The following BCAS3 variants were observed in gnomAD, a reference collection of about 807,000 sequenced individuals.
The protein encoded by BCAS3 is BCAS4/BCAS3 fusion.
Under a neutral mutation model 116.1 loss-of-function variants are expected in BCAS3, and 53 were observed. The ratio of observed to expected loss-of-function variants is 0.46; its 90% confidence interval spans 0.37 to 0.57. The LOEUF (loss-of-function observed/expected upper bound fraction) is 0.57, where lower values mean the gene tolerates loss of function less well. Among genes scored for constraint, BCAS3 ranks in the 20% least tolerant of loss-of-function variants. The pLI is 0.00. For synonymous variants in BCAS3, 391 were observed against 408.2 expected (o/e 0.96, Z 0.51); for missense variants, 917 against 1,165.4 (o/e 0.79, Z 3.10).
rs1332898863 is a variant in BCAS3 at position 61,144,118 on chromosome 17, T to TA, written c.2425+59555dup. Among the ~76,000 whole-genome samples the TA allele has an allele frequency of 3.3e-5, 5 of 152,242 alleles. No individual in the cohort carries two copies. Among genetic ancestry groups the TA allele is most frequent in the Non-Finnish European group, 7.3e-5 (5 of 68,032 alleles). On this transcript the variant is annotated intron_variant, in intron 22 of 23. Transcript: ENST00000407086. The surrounding 1 kb of genome is among the most constrained non-coding windows in gnomAD (Gnocchi z 5.0). ...CATAGGAGGACAGTTGACTCCTTTC[T>TA]ACTCTTTTTTTTGCCGTTGTCCCTA...
chr17:60,698,284 A>C (rs572014890), intron 4 of BCAS3, among the ~76,000 whole-genome samples: 129 of 152,164 alleles, frequency 8.5e-4, no homozygotes, highest in African/African-American at 2.9e-3. Flanking sequence ...AAAAGGATTT[A>C]CTTAAATGTA....
At chr17:61,340,835 G>T (rs558838771) in intron 22 of BCAS3, among the ~76,000 whole-genome samples, 1 of 152,298 alleles carries the variant, frequency 6.6e-6, no homozygotes, top group South Asian at 2.1e-4. Flanking sequence ...GAGGCTGAAG[G>T]CTGCTTGGAA....
intron 22 of BCAS3, among the ~76,000 whole-genome samples, chr17:61,146,501 C>T (rs1021217185): frequency 4.6e-5 from 7 of 152,104 alleles, no homozygotes; most frequent in Admixed American, 1.3e-4. Context: ...AATGACTGAG[C>T]TCTTAGGAGT....
chr17:61,307,736 G>A lies in BCAS3; in HGVS notation c.2426-60591G>A, dbSNP rs1327096071. On this transcript the variant is annotated intron_variant, in intron 22 of 23. Coordinates refer to ENST00000407086, the MANE Select transcript of BCAS3 (RefSeq NM_017679.5). This position sits in a 1 kb window ranked among gnomAD's most constrained non-coding sequence, Gnocchi z 4.7. ...AGAAAGGGTTACATTCCTGAGTAGGGTCTTAATGGCCAGTTCAAGAAATAA... is the reference window on the plus strand; with the variant it reads ...AGAAAGGGTTACATTCCTGAGTAGGATCTTAATGGCCAGTTCAAGAAATAA... Among the ~76,000 whole-genome samples the A allele has an allele frequency of 6.6e-6, 1 of 152,170 alleles. No individual in the cohort carries two copies. Among genetic ancestry groups the A allele is most frequent in the Non-Finnish European group, 1.5e-5 (1 of 68,036 alleles).
At chr17:60,924,313 G>T in intron 12 of BCAS3, 94 bp from the exon 13 acceptor site, 1 of 960,156 alleles carries the variant, frequency 1.0e-6, no homozygotes, top group Non-Finnish European at 1.7e-6. Context: ...CATGTTATTT[G>T]GTCAGTGGTT....
In BCAS3 at chr17:61,353,324, G is replaced by A. The variant is rs143030905; in HGVS notation, c.2426-15003G>A. Among the ~76,000 whole-genome samples, 12 of 152,298 alleles carry A rather than the reference G, an allele frequency of 7.9e-5. No individual in the cohort carries two copies. In the East Asian group the frequency reaches 1.9e-3, roughly 24 times the overall value. ...TGTGGGCAGTGATTCTGCAGCTTCCGTGCACACAGATCCCCTGGGGGTCTT... is the reference window on the plus strand; with the variant it reads ...TGTGGGCAGTGATTCTGCAGCTTCCATGCACACAGATCCCCTGGGGGTCTT... On this transcript the variant is annotated intron_variant, in intron 22 of 23. Coordinates refer to ENST00000407086, the MANE Select transcript of BCAS3 (RefSeq NM_017679.5).
At chr17:60,686,686 C>T (rs371011733) in intron 3 of BCAS3, among the ~76,000 whole-genome samples, 58 of 152,102 alleles carry the variant, frequency 3.8e-4, no homozygotes, top group African/African-American at 1.3e-3. Flanking sequence ...CCAACACGCC[C>T]GGCCAATTTT....
At chr17:61,085,718 T>C (rs1213322196) in intron 22 of BCAS3, among the ~76,000 whole-genome samples, 1 of 152,162 alleles carries the variant, frequency 6.6e-6, no homozygotes, top group Non-Finnish European at 1.5e-5. Flanking sequence ...GAAATGAGCA[T>C]GGAAATGTGT....
intron 19 of BCAS3, among the ~76,000 whole-genome samples, chr17:61,070,580 G>T (rs2143417305): frequency 6.6e-6 from 1 of 151,410 alleles, no homozygotes; most frequent in Non-Finnish European, 1.5e-5. Context: ...GAATGTATTA[G>T]TACAAACTAA....
chr17:60,848,507 T>C (rs1046100413), intron 7 of BCAS3, among the ~76,000 whole-genome samples: 1 of 152,240 alleles, frequency 6.6e-6, no homozygotes, highest in African/African-American at 2.4e-5. Flanking sequence ...GAATATATTA[T>C]CTGTGAATAG....
In BCAS3 at chr17:61,348,310, T is replaced by G. The variant is rs966987257; in HGVS notation, c.2426-20017T>G. ...GGAGAAGTTAGGTCATGAATTTGTT[T>G]GGGAGATGTTGAGTTGGAGGTGCCT... On this transcript the variant is annotated intron_variant, in intron 22 of 23. Coordinates refer to ENST00000407086, the MANE Select transcript of BCAS3 (RefSeq NM_017679.5). This position sits in a 1 kb window ranked among gnomAD's most constrained non-coding sequence, Gnocchi z 4.5. Among the ~76,000 whole-genome samples, 3 of 152,098 alleles carry G rather than the reference T, an allele frequency of 2.0e-5. No individual in the cohort carries two copies. The highest frequency in any genetic ancestry group is 1.5e-5 in the Non-Finnish European group (1 of 68,006).
In BCAS3 at chr17:61,270,429, C is replaced by T. The variant is rs546668480; in HGVS notation, c.2426-97898C>T. Among the ~76,000 whole-genome samples, 18 of 151,434 alleles carry T rather than the reference C, an allele frequency of 1.2e-4. No individual in the cohort carries two copies. In the South Asian group the frequency reaches 3.5e-3, roughly 30 times the overall value. ...TAAGCCACCATGCCTGGCCCTTTTG[C>T]CGATTTTTTTATCAGGTTGCTTTAT... On this transcript the variant is annotated intron_variant, in intron 22 of 23. Transcript: ENST00000407086.
chr17:60,682,427 A>G (rs1001394358), intron 2 of BCAS3, among the ~76,000 whole-genome samples: 7 of 152,248 alleles, frequency 4.6e-5, no homozygotes, highest in South Asian at 4.1e-4. Flanking sequence ...TCTCTAGGGC[A>G]TATTGCTTTT....
chr17:60,822,321 C>A (rs1204791236), intron 7 of BCAS3, among the ~76,000 whole-genome samples: 2 of 152,076 alleles, frequency 1.3e-5, no homozygotes, highest in Non-Finnish European at 2.9e-5. Flanking sequence ...GTCATTATGG[C>A]ATTAATTTGG....
At chr17:60,694,625 T>G (rs2035336232) in intron 4 of BCAS3, among the ~76,000 whole-genome samples, 1 of 151,290 alleles carries the variant, frequency 6.6e-6, no homozygotes, top group South Asian at 2.1e-4. Context: ...ATTTTAGGCG[T>G]GAGCCACCAT....
In BCAS3 at chr17:61,285,830, C is replaced by T. The variant is rs2051718459; in HGVS notation, c.2426-82497C>T. The stretch of plus-strand genomic sequence containing the variant: ...TGAGCCTCGAGTTTCTCATGTCTTC[C>T]CTCCCATCTCCAGTCCCTACTTTAG... On this transcript the variant is annotated intron_variant, in intron 22 of 23. Coordinates refer to ENST00000407086, the MANE Select transcript of BCAS3 (RefSeq NM_017679.5). The surrounding 1 kb of genome is among the most constrained non-coding windows in gnomAD (Gnocchi z 5.4). Among the ~76,000 whole-genome samples, 1 of 152,102 alleles carries T rather than the reference C, an allele frequency of 6.6e-6. No homozygotes were observed. The highest frequency in any genetic ancestry group is 1.5e-5 in the Non-Finnish European group (1 of 68,010).
intron 15 of BCAS3, among the ~76,000 whole-genome samples, chr17:61,005,949 C>T (rs1156346635): frequency 6.6e-6 from 1 of 151,938 alleles, no homozygotes; most frequent in Admixed American, 6.6e-5. Context: ...CCTCCCCCTT[C>T]CCCCCACTCC....
intron 6 of BCAS3, among the ~76,000 whole-genome samples, chr17:60,762,680 G>A (rs1163986819): frequency 2.6e-5 from 4 of 152,072 alleles, no homozygotes; most frequent in Non-Finnish European, 4.4e-5. Context: ...TTGGCAATGC[G>A]GGCTCTTTTT....
chr17:61,127,856 AT>A (rs1043119052), intron 22 of BCAS3, among the ~76,000 whole-genome samples: 11 of 151,770 alleles, frequency 7.2e-5, no homozygotes, highest in East Asian at 3.9e-4. Context: ...ATAAAAAAAA[AT>A]AATACATATA....
Sources: gnomAD v4.1 joint callset for allele counts (sites outside exome capture counted in the v4.1 genomes callset) on GRCh38, gnomAD v4.1.1 for gene constraint, Gnocchi (gnomAD v3.1) non-coding constraint, MANE v1.5 for transcripts, NCBI Gene and HGNC (gene_info 2026-07-23, HGNC 2026-07-21) for gene names.